The following PHLPP1 variants were observed in gnomAD, a reference collection of about 807,000 sequenced individuals.
PHLPP1 encodes the protein PH domain and leucine rich repeat protein phosphatase 1.
A neutral mutation model predicts 117.2 loss-of-function variants in PHLPP1; 42 were observed. The observed-to-expected ratio is 0.36, with a 90% CI of 0.28 to 0.46. The LOEUF (loss-of-function observed/expected upper bound fraction) is 0.46. PHLPP1 is among the 20% of genes least tolerant of loss of function. PHLPP1 has a pLI of 1.00. For missense variants in PHLPP1, 2,084 were observed against 2,241.9 expected, an observed-to-expected ratio of 0.93 and a Z score of 1.42; for synonymous variants, 1,042 against 970.7, an observed-to-expected ratio of 1.07 and a Z score of -1.37.
chr18:62,939,519 C>T (rs1413130807), intron 10 of PHLPP1, among the ~76,000 whole-genome samples: 1 of 152,098 alleles, frequency 6.6e-6, no homozygotes, highest in Non-Finnish European at 1.5e-5. Flanking sequence ...AACTTGTTTC[C>T]TTCCTACTTC....
chr18:62,746,437 TTTC>T (rs1911675925), intron 1 of PHLPP1, among the ~76,000 whole-genome samples: 1 of 152,252 alleles, frequency 6.6e-6, no homozygotes, highest in Non-Finnish European at 1.5e-5. Context: ...GCAATTTGCT[TTTC>T]TTCTTCCTTT....
chr18:62,960,108 AT>A (rs1307054293), intron 13 of PHLPP1, among the ~76,000 whole-genome samples: 1 of 152,236 alleles, frequency 6.6e-6, no homozygotes, highest in East Asian at 1.9e-4. Context: ...GGATACAAAA[AT>A]TTTTGAGCAT....
At chr18:62,742,656 G>A (rs981874654) in intron 1 of PHLPP1, among the ~76,000 whole-genome samples, 64 of 152,284 alleles carry the variant, frequency 4.2e-4, no homozygotes, top group African/African-American at 1.5e-3. Flanking sequence ...GGCTGGTCTT[G>A]AATTCCTGAC....
intron 9 of PHLPP1, among the ~76,000 whole-genome samples, chr18:62,919,622 G>A (rs1352195515): frequency 6.6e-6 from 1 of 152,146 alleles, no homozygotes; most frequent in Non-Finnish European, 1.5e-5. Context: ...AGCATTCTGG[G>A]ACAATACAAG....
At chr18:62,947,247 T>G (rs565225286) in intron 12 of PHLPP1, among the ~76,000 whole-genome samples, 1 of 152,312 alleles carries the variant, frequency 6.6e-6, no homozygotes, top group African/African-American at 2.4e-5. Context: ...AGTATTGTTA[T>G]GGAGATGAAA....
At position 62,919,029 on chromosome 18, in the gene PHLPP1, G is replaced by A. The variant is rs545641696; in HGVS notation, c.2805-930G>A. Among the ~76,000 whole-genome samples, 9 of 152,224 alleles carry A rather than the reference G, an allele frequency of 5.9e-5. No individual in the cohort carries two copies. The South Asian group carries it at 1.9e-3, about 32-fold the overall frequency. On this transcript the variant is annotated intron_variant, in intron 9 of 16. Transcript: ENST00000262719. ...CATTTGTGAGTGAGATCAGAATGGTGGAAAACAGGAGGTGGATGAGGAAGC... is the reference window on the plus strand; with the variant it reads ...CATTTGTGAGTGAGATCAGAATGGTAGAAAACAGGAGGTGGATGAGGAAGC...
chr18:62,807,916 T>C (rs1031061711), intron 1 of PHLPP1, among the ~76,000 whole-genome samples: 2 of 152,146 alleles, frequency 1.3e-5, no homozygotes, highest in Non-Finnish European at 2.9e-5. Context: ...TACACTACTG[T>C]AGACTGTATA....
chr18:62,840,952 C>T (rs1454535242), intron 3 of PHLPP1, among the ~76,000 whole-genome samples: 1 of 152,200 alleles, frequency 6.6e-6, no homozygotes. Context: ...TGCAGTGGCA[C>T]GATCTTGGGT....
intron 3 of PHLPP1, among the ~76,000 whole-genome samples, chr18:62,849,797 CAAAAAAAAAAAA>C (rs1159265423): frequency 3.0e-3 from 22 of 7,400 alleles, no homozygotes; most frequent in East Asian, 7.6e-3. Context: ...CCTGTCTCTA[CAAAAAAAAAAAA>C]AAAAAAAAAA....
chr18:62,947,589 G>A (rs914353935), intron 12 of PHLPP1, among the ~76,000 whole-genome samples: 13 of 152,302 alleles, frequency 8.5e-5, no homozygotes, highest in Admixed American at 8.5e-4. Context: ...TGAAATTCTA[G>A]CACAAGAGAA....
chr18:62,734,568 G>C (rs1277708071), intron 1 of PHLPP1, among the ~76,000 whole-genome samples: 1 of 152,110 alleles, frequency 6.6e-6, no homozygotes, highest in Admixed American at 6.5e-5. Flanking sequence ...TGGAAAATGA[G>C]CTGCTTTTTG....
intron 8 of PHLPP1, among the ~76,000 whole-genome samples, chr18:62,913,739 C>CT (rs398033174): frequency 0.65 from 65,242 of 99,626 alleles, 21,636 homozygotes; most frequent in Non-Finnish European, 0.72. Flanking sequence ...CTCTCTCTCT[C>CT]TTTTTTTTTT....
intron 4 of PHLPP1, among the ~76,000 whole-genome samples, chr18:62,866,584 G>T (rs1599091718): frequency 6.6e-6 from 1 of 152,084 alleles, no homozygotes; most frequent in African/African-American, 2.4e-5. Flanking sequence ...AGTTAATGCC[G>T]ATGAATGTTA....
intron 1 of PHLPP1, among the ~76,000 whole-genome samples, chr18:62,764,238 G>A (rs1022924888): frequency 6.7e-6 from 1 of 149,906 alleles, no homozygotes; most frequent in Non-Finnish European, 1.5e-5. Context: ...ATTTTTACCT[G>A]CAGCTGCTGT....
chr18:62,955,599 G>A (rs1160281826), intron 12 of PHLPP1, among the ~76,000 whole-genome samples: 1 of 152,114 alleles, frequency 6.6e-6, no homozygotes, highest in East Asian at 1.9e-4. Flanking sequence ...GGGAGGCACA[G>A]GAACATCATC....
intron 1 of PHLPP1, among the ~76,000 whole-genome samples, chr18:62,738,259 A>C (rs535838274): frequency 6.6e-6 from 1 of 152,054 alleles, no homozygotes; most frequent in South Asian, 2.1e-4. Context: ...AGGAGGCTGA[A>C]GTGGGAGGAT....
intron 1 of PHLPP1, among the ~76,000 whole-genome samples, chr18:62,780,089 G>A (rs975855346): frequency 2.6e-5 from 4 of 152,036 alleles, no homozygotes; most frequent in South Asian, 2.1e-4. Flanking sequence ...GTCATTTTGC[G>A]CTTGTGGGAA....
rs1196117456 is a variant in PHLPP1 at position 62,900,434 on chromosome 18, T to C, written c.2445-2530T>C. Reference sequence around the variant, plus strand: ...TATTCTTGTTTTTTCTTTTTCTTTCTTTTTTTTTTTTTTTTTTTTTTTTTT... The same window carrying C: ...TATTCTTGTTTTTTCTTTTTCTTTCCTTTTTTTTTTTTTTTTTTTTTTTTT... On this transcript the variant is annotated intron_variant, in intron 6 of 16. Transcript: ENST00000262719. Among the ~76,000 whole-genome samples, 4 of 18,134 alleles carry C rather than the reference T, an allele frequency of 2.2e-4. No individual in the cohort carries two copies. In the East Asian group the frequency reaches 5.2e-3, roughly 24 times the overall value. The allele number at this position is 18,134 out of a possible 152,430, so 11.9% of individuals were successfully genotyped here.
In PHLPP1 at chr18:62,895,788, A is replaced by G. The variant is rs1916545644; in HGVS notation, c.2221A>G (p.Thr741Ala). Reference protein sequence around the residue: ...AAVGVMHNLQTFLLDGNFLQS... With the variant: ...AAVGVMHNLQAFLLDGNFLQS... ...TTATGTTTTCTCTAATAGCTTACAG[A>G]CATTTTTGTTGGATGGAAACTTTCT... The change falls in exon 6 of 17, where the codon ACA becomes GCA. Residue 741 changes from threonine to alanine, a missense_variant. Thr to Ala is a moderately conservative substitution (Grantham distance 58). Around this residue, in one of 2 missense-constraint regions of PHLPP1, gnomAD observed 1,365 missense variants for 1,605.9 expected, o/e 0.85. Coordinates refer to ENST00000262719, the MANE Select transcript of PHLPP1 (RefSeq NM_194449.4). The G allele has an allele frequency of 6.3e-7, 1 of 1,594,512 alleles. No homozygotes were observed. Among genetic ancestry groups the G allele is most frequent in the African/African-American group, 1.3e-5 (1 of 74,558 alleles).
Sources: gnomAD v4.1 joint callset for allele counts (sites outside exome capture counted in the v4.1 genomes callset) on GRCh38, gnomAD v4.1.1 for gene constraint, gnomAD v4.1.1 regional missense constraint, MANE v1.5 for transcripts, NCBI Gene and HGNC (gene_info 2026-07-23, HGNC 2026-07-21) for gene names.